Variants in EIF2B4 observed in about 807,000 individuals in gnomAD.
The protein encoded by EIF2B4 is translation initiation factor eIF2B subunit delta.
Under a neutral mutation model 66.7 loss-of-function variants are expected in EIF2B4, and 34 were observed. The ratio of observed to expected loss-of-function variants is 0.51; its 90% CI spans 0.39 to 0.68. EIF2B4 has a LOEUF of 0.68. Among genes scored for constraint, EIF2B4 ranks in the 30% least tolerant of loss-of-function variants. EIF2B4 has a pLI of 0.00. For missense variants in EIF2B4, 618 were observed against 657.9 expected, an observed-to-expected ratio of 0.94 and a Z score of 0.66; for synonymous variants, 278 against 253.6, an observed-to-expected ratio of 1.10 and a Z score of -0.92.
intron 2 of EIF2B4, 47 bp downstream of exon 2, chr2:27,369,829 T>G (rs370574973): frequency 6.5e-7 from 1 of 1,544,094 alleles, no homozygotes; most frequent in Non-Finnish European, 8.8e-7. Context: ...TGGCACAGCC[T>G]CCTGCGTAGC....
At chr2:27,365,377 C>CTTT (rs372524722) in intron 11 of EIF2B4, among the ~76,000 whole-genome samples, 15 of 119,726 alleles carry the variant, frequency 1.3e-4, no homozygotes, top group African/African-American at 2.6e-4. Flanking sequence ...TTAATAAATC[C>CTTT]TTTTTTTTTT....
At chr2:27,369,251 A>G in intron 3 of EIF2B4, 39 bp from the exon 4 acceptor site, 1 of 1,606,580 alleles carries the variant, frequency 6.2e-7, no homozygotes, top group African/African-American at 1.3e-5. Flanking sequence ...AGCTGCAGGC[A>G]GGTGATATCC....
chr2:27,365,505 T>G (rs1343775603), intron 11 of EIF2B4: 1 of 155,140 alleles, frequency 6.4e-6, no homozygotes, highest in Non-Finnish European at 1.4e-5. Context: ...GCCTCCAGAT[T>G]AGCTGGGACT....
chr2:27,364,947 G>A, intron 11 of EIF2B4, 49 bp from the exon 12 acceptor site: 1 of 1,575,990 alleles, frequency 6.3e-7, no homozygotes. Flanking sequence ...TTGTATCAAT[G>A]CAAAATAAGG....
rs1010600057 is a variant in EIF2B4 at position 27,369,502 on chromosome 2, C to T, written c.123G>A (p.Lys41=). 1.9e-6 allele frequency: 3 copies of T among 1,614,116 alleles called. No homozygotes were observed. The highest frequency in any genetic ancestry group is 2.2e-5 in the East Asian group (1 of 44,876). ...GTTTCTTCTTCTGCTGTTTCTTTTC[C>T]TTCCGAAGCTGCAGCTTTTCTTCTT... ...MTKEEKLQLR[K]EKKQQKKKRK... The change falls in exon 3 of 13, where the codon AAG becomes AAA. Residue 41 remains lysine (K), a synonymous_variant. Transcript: ENST00000347454.
In EIF2B4 at chr2:27,367,061, G is replaced by A. The variant is rs1681915597; in HGVS notation, c.1013+13C>T. ...AACTCCCAATCTGCTCAGTCACAAG[G>A]TCTGGACCATACCATCCATATACCA... On this transcript the variant is annotated intron_variant, in intron 10 of 12. Transcript: ENST00000347454. The A allele has an allele frequency of 1.2e-6, 2 of 1,614,132 alleles. No individual in the cohort carries two copies. Among genetic ancestry groups the A allele is most frequent in the Middle Eastern group, 1.6e-4 (1 of 6,062 alleles).
chr2:27,367,620 C>T, intron 8 of EIF2B4, 61 bp from the exon 9 acceptor site: 1 of 1,596,406 alleles, frequency 6.3e-7, no homozygotes, highest in Non-Finnish European at 8.6e-7. Context: ...AAAGCCTTCA[C>T]ATTTAAAAAA....
chr2:27,367,639 TAAA>T, intron 8 of EIF2B4, 80 bp from the exon 9 acceptor site: 1 of 1,597,210 alleles, frequency 6.3e-7, no homozygotes, highest in Non-Finnish European at 8.6e-7. Context: ...AAAAAGTCTT[TAAA>T]AAGAAAATAG....
At position 27,370,318 on chromosome 2, in the gene EIF2B4, C is replaced by T; in HGVS notation, c.-4G>A. The T allele has an allele frequency of 6.5e-7, 1 of 1,542,990 alleles. No homozygotes were observed. The highest frequency in any genetic ancestry group is 8.7e-7 in the Non-Finnish European group (1 of 1,147,006). On this transcript the variant is annotated 5_prime_UTR_variant, in exon 1 of 13. Coordinates refer to ENST00000347454, the MANE Select transcript of EIF2B4 (RefSeq NM_001034116.2). Reference sequence around the variant, plus strand: ...CAGCCACGGCCACAGCAGCCATCGCCCTCAGTCCTAGGCTCCGCCCGCCGT... The same window carrying T: ...CAGCCACGGCCACAGCAGCCATCGCTCTCAGTCCTAGGCTCCGCCCGCCGT...
chr2:27,366,656 T>C (rs1681884289), intron 11 of EIF2B4, 103 bp downstream of exon 11: 2 of 1,425,074 alleles, frequency 1.4e-6, no homozygotes, highest in Non-Finnish European at 2.0e-6. Context: ...TCCATCCTTA[T>C]CTCAAAACAA....
rs1354144369 is a variant in EIF2B4 at position 27,367,125 on chromosome 2, C to T, written c.962G>A (p.Arg321His). 1.2e-6 allele frequency: 2 copies of T among 1,614,190 alleles called. No homozygotes were observed. Among genetic ancestry groups the T allele is most frequent in the Non-Finnish European group, 1.7e-6 (2 of 1,180,034 alleles). ...ATTACTGATCTTCTGGTAAGCAAAG[C>T]GTGAAATTGCCTGAGCTGCTAGCAC... ...KIVLAAQAISRFAYQKISNGD... is the reference protein window; with the variant it reads ...KIVLAAQAISHFAYQKISNGD... Residue 321 changes from arginine (R) to histidine (H), a missense_variant, in exon 10 of 13, where the codon CGC becomes CAC. Transcript: ENST00000347454.
In EIF2B4 at chr2:27,364,423, G is replaced by A. The variant is rs756524864; in HGVS notation, c.1549C>T (p.Arg517Ter). 6.2e-7 allele frequency: 1 copy of A among 1,614,052 alleles called. No individual in the cohort carries two copies. The highest frequency in any genetic ancestry group is 8.5e-7 in the Non-Finnish European group (1 of 1,180,024). Reference sequence around the variant, plus strand: ...CGTCACTGGTCACTGCTCTTGACTCGTAGAACAACAGGTACAGAACTGCAA... The same window carrying A: ...CGTCACTGGTCACTGCTCTTGACTCATAGAACAACAGGTACAGAACTGCAA... ...IPCSSVPVVL[R>*]VKSSDQ is the part of the protein sequence containing the mutation. Residue 517 changes from arginine (R) to a stop codon, truncating the protein, a stop_gained, in exon 13 of 13, where the codon CGA (arginine) becomes TGA (stop). Transcript: ENST00000347454. LOFTEE classifies it high-confidence loss of function.
At position 27,367,553 on chromosome 2, in the gene EIF2B4, C is replaced by T; in HGVS notation, c.789G>A (p.Leu263=). Residue 263 remains leucine, a synonymous_variant, in exon 9 of 13, where the codon CTG becomes CTA. Coordinates refer to ENST00000347454, the MANE Select transcript of EIF2B4 (RefSeq NM_001034116.2). ...VNKLKPYMSF[L]TQCRPLSASM... ...TCGCTGACAGGGGACGGCACTGAGT[C>T]AGGAAGCTATAATACAACAGCAATA... 6.2e-7 allele frequency: 1 copy of T among 1,613,976 alleles called. No homozygotes were observed. The highest frequency in any genetic ancestry group is 1.1e-5 in the South Asian group (1 of 91,072).
At chr2:27,369,243 CT>C (rs759127008) in intron 3 of EIF2B4, 31 bp from the exon 4 acceptor site, 1 of 1,604,908 alleles carries the variant, frequency 6.2e-7, no homozygotes, top group Non-Finnish European at 8.5e-7. Context: ...AATGCCCAAG[CT>C]GCAGGCAGGT....
At chr2:27,365,028 A>C (rs1328882518) in intron 11 of EIF2B4, 130 bp from the exon 12 acceptor site, 1 of 930,520 alleles carries the variant, frequency 1.1e-6, no homozygotes, top group Non-Finnish European at 1.7e-6. Flanking sequence ...AAGGGAAAGA[A>C]ACAAAAACAG....
Position 27,368,410 on chromosome 2 carries a change from G to A in EIF2B4, c.552C>T (p.Pro184=). The part of the protein sequence containing the change: ...GSKVSLFSHL[P]QYSRQNSLTQ... ...TCAGAGAGTTTTGTCTGCTGTACTG[G>A]GGTAGGTGAGAGAAGAGACTGACTT... The change falls in exon 6 of 13, where the codon CCC becomes CCT. Residue 184 remains proline (P), a synonymous_variant. Transcript: ENST00000347454. 12 of 1,614,110 alleles carry A rather than the reference G, an allele frequency of 7.4e-6. No individual in the cohort carries two copies. The highest frequency in any genetic ancestry group is 1.3e-5 in the African/African-American group (1 of 75,032).
At position 27,370,133 on chromosome 2, in the gene EIF2B4, G is replaced by A. The variant is rs141681782; in HGVS notation, c.31+151C>T. The A allele has an allele frequency of 8.3e-3, 12,589 of 1,524,990 alleles. 73 individuals are homozygous for A. The highest frequency in any genetic ancestry group is 0.011 in the South Asian group (874 of 81,218). 94.5% of individuals were successfully genotyped at this position (1,524,990 alleles called of 1,614,324 possible). A position where few individuals can be genotyped will look rare whatever the true frequency, so the allele number is the denominator to read the frequency against. On this transcript the variant is annotated intron_variant, in intron 1 of 12. Transcript: ENST00000347454. The stretch of plus-strand genomic sequence containing the variant: ...TCCTCACAGCAACCAGCCGGTGCGC[G>A]GCGCGGGACTGCGCTCGAGACTGTG...
rs905330274 is a variant in EIF2B4, at chr2:27,370,328, A to T, written c.-14T>A. The T allele has an allele frequency of 1.3e-6, 2 of 1,541,002 alleles. No individual in the cohort carries two copies. The highest frequency in any genetic ancestry group is 2.7e-5 in the African/African-American group (2 of 73,010). ...CACAGCAGCCATCGCCCTCAGTCCT[A>T]GGCTCCGCCCGCCGTGGTCACGGAG... is the stretch of plus-strand genomic sequence containing the variant. On this transcript the variant is annotated 5_prime_UTR_variant, in exon 1 of 13. Coordinates refer to ENST00000347454, the MANE Select transcript of EIF2B4 (RefSeq NM_001034116.2).
At chr2:27,366,524 T>A (rs1486824589) in intron 11 of EIF2B4, 2 of 567,148 alleles carry the variant, frequency 3.5e-6, no homozygotes, top group East Asian at 6.2e-5. Flanking sequence ...ACAAGAAAAA[T>A]AAAAAACTAG....
Sources: gnomAD v4.1 joint callset for allele counts (sites outside exome capture counted in the v4.1 genomes callset) on GRCh38, gnomAD v4.1.1 for gene constraint, MANE v1.5 for transcripts, NCBI Gene and HGNC (gene_info 2026-07-23, HGNC 2026-07-21) for gene names.